CLEC12A: variants seen among roughly 807,000 people sequenced by gnomAD.
CLEC12A encodes C-type lectin domain family 12 member A, also known as C-type lectin protein CLL-1.
CLEC12A carries 22 observed loss-of-function variants against 26.5 expected under a neutral mutation model. The observed-to-expected ratio is 0.83, with a 90% CI of 0.59 to 1.19. CLEC12A has a LOEUF of 1.19. Ranked by LOEUF, CLEC12A falls within the 50% of genes most tolerant of loss-of-function variation. The probability of loss-of-function intolerance (pLI) is 0.00; values close to 1 mark genes in which losing one functional copy is unlikely to be tolerated. For missense variants in CLEC12A, 353 were observed against 315.6 expected, an observed-to-expected ratio of 1.12 and a Z score of -0.90; for synonymous variants, 119 against 101.9, an observed-to-expected ratio of 1.17 and a Z score of -1.01.
chr12:9,973,641 C>A (rs1279722899), intron 1 of CLEC12A, among the ~76,000 whole-genome samples: 2 of 151,808 alleles, frequency 1.3e-5, no homozygotes, highest in Non-Finnish European at 2.9e-5. Flanking sequence ...TCCATCTACA[C>A]TTTTTTTTGT....
At chr12:9,972,721 G>C (rs1296119380) in intron 1 of CLEC12A, among the ~76,000 whole-genome samples, 1 of 152,144 alleles carries the variant, frequency 6.6e-6, no homozygotes, top group Non-Finnish European at 1.5e-5. Context: ...ATCCATTTAT[G>C]ATGAGCATTG....
chr12:9,990,964 C>G (rs568414935), intron 4 of CLEC12A: 1 of 152,148 alleles, frequency 6.6e-6, no homozygotes, highest in Non-Finnish European at 1.5e-5. Flanking sequence ...TAGCAATAAA[C>G]TATTTTTAAT....
At chr12:9,996,822 T>C (rs1266800144), downstream of CLEC12A, 6 of 1,613,502 alleles carry the variant, frequency 3.7e-6, no homozygotes, top group African/African-American at 8.0e-5. Flanking sequence ...GCCTCCAAAA[T>C]ATTTGACATA....
At chr12:9,996,556 C>CCAGGAG (rs1555145250), downstream of CLEC12A, among the ~76,000 whole-genome samples, 1 of 151,810 alleles carries the variant, frequency 6.6e-6, no homozygotes, top group Non-Finnish European at 1.5e-5. Flanking sequence ...ACAGAGGACA[C>CCAGGAG]AAATAAATAT....
downstream of CLEC12A, among the ~76,000 whole-genome samples, chr12:9,990,138 G>A (rs577106020): frequency 5.9e-5 from 9 of 152,198 alleles, no homozygotes; most frequent in South Asian, 8.3e-4. Context: ...AATGTTTTCA[G>A]TCCTGCTAAC....
intron 4 of CLEC12A, chr12:9,991,698 C>T (rs1013408655): frequency 2.6e-5 from 4 of 152,048 alleles, no homozygotes; most frequent in African/African-American, 9.7e-5. Context: ...GCGCACAAAG[C>T]TTTAAGAGTA....
chr12:9,998,250 C>T (rs1865098934), downstream of CLEC12A: 1 of 1,549,810 alleles, frequency 6.5e-7, no homozygotes, highest in Non-Finnish European at 8.9e-7. Context: ...TTACCTTCCT[C>T]CAGTCAAATT....
At chr12:9,976,287 C>A (rs184355453) in intron 1 of CLEC12A, among the ~76,000 whole-genome samples, 3 of 152,182 alleles carry the variant, frequency 2.0e-5, no homozygotes, top group Admixed American at 6.5e-5. Flanking sequence ...AATATCAGCC[C>A]ATGAAAGCAG....
intron 2 of CLEC12A, 55 bp downstream of exon 2, chr12:9,979,119 A>G (rs1864451977): frequency 7.1e-7 from 1 of 1,412,488 alleles, no homozygotes; most frequent in Admixed American, 1.7e-5. Context: ...TCAAATATTT[A>G]GCAACAAAAG....
At chr12:9,966,512 A>T (rs1246691407), upstream of CLEC12A, among the ~76,000 whole-genome samples, 2 of 152,136 alleles carry the variant, frequency 1.3e-5, no homozygotes, top group Non-Finnish European at 2.9e-5. Flanking sequence ...CCAGGTGGCC[A>T]GATTTCTGGC....
Position 9,985,586 on chromosome 12 carries a change from G to A in CLEC12A, c.*560G>A, listed in dbSNP as rs967554397. Reference sequence around the variant, plus strand: ...TAAGTAAAAGCCAATAAACAAAAACGAAAAGGCAAGTTACGAGACTGACTT... The same window carrying A: ...TAAGTAAAAGCCAATAAACAAAAACAAAAAGGCAAGTTACGAGACTGACTT... On this transcript the variant is annotated 3_prime_UTR_variant, in exon 6 of 6. Coordinates refer to ENST00000304361, the MANE Select transcript of CLEC12A (RefSeq NM_138337.6). 13 of 397,734 alleles carry A rather than the reference G, an allele frequency of 3.3e-5. No homozygotes were observed. Among genetic ancestry groups the A allele is most frequent in the Non-Finnish European group, 4.9e-5 (11 of 225,690 alleles). The allele number at this position is 397,734 out of a possible 1,614,324, so 24.6% of individuals were successfully genotyped here.
At position 9,958,756 on chromosome 12, in the gene CLEC12A, C is replaced by A. The variant is rs148648671; in HGVS notation, c.10+7400C>A. On this transcript the variant is annotated intron_variant, in intron 1 of 6. Transcript: ENST00000355690. The stretch of plus-strand genomic sequence containing the variant: ...TCTGAAGAAACTTCCCAGGCTTCCA[C>A]AGACAAGTTTATTGGAGATCTCAAG... 3.5e-3 allele frequency among the ~76,000 whole-genome samples: 532 copies of A among 152,268 alleles called. 7 individuals carry two copies. Among genetic ancestry groups the A allele is most frequent in the African/African-American group, 9.0e-3 (375 of 41,544 alleles).
rs1013205869 is a variant in CLEC12A at position 9,960,483 on chromosome 12, T to C, written c.10+9127T>C. On this transcript the variant is annotated intron_variant, in intron 1 of 6. Coordinates refer to the CLEC12A transcript ENST00000355690. ...GTGGCCTAAAACGTTGTTCTAAAAC[T>C]GAAATAAAAGTACCCAGATCATAGT... 3.3e-5 allele frequency among the ~76,000 whole-genome samples: 5 copies of C among 152,156 alleles called. No homozygotes were observed. In the East Asian group the frequency reaches 9.6e-4, roughly 29 times the overall value.
chr12:10,004,913 C>A, the CLEC12A span, among the ~76,000 whole-genome samples: 1 of 149,460 alleles, frequency 6.7e-6, no homozygotes, highest in Non-Finnish European at 1.5e-5. Flanking sequence ...TATCCCTCCC[C>A]ACTCCCCCGA....
chr12:9,965,004 A>T (rs1172582968), intron 1 of CLEC12A, among the ~76,000 whole-genome samples: 1 of 152,102 alleles, frequency 6.6e-6, no homozygotes, highest in Non-Finnish European at 1.5e-5. Flanking sequence ...ACAAAAAGGG[A>T]GTGTAGCTGA....
At chr12:9,999,587 T>G (rs1448476229), downstream of CLEC12A, among the ~76,000 whole-genome samples, 1 of 152,246 alleles carries the variant, frequency 6.6e-6, no homozygotes, top group Non-Finnish European at 1.5e-5. Context: ...TGATAGGGGC[T>G]AAATTAGCTG....
intron 5 of CLEC12A, 36 bp downstream of exon 5, chr12:9,982,165 G>A (rs1461911520): frequency 8.6e-7 from 1 of 1,161,750 alleles, no homozygotes; most frequent in Admixed American, 1.7e-5. Context: ...TTATAGCTGG[G>A]TTTGAGTAGA....
At chr12:9,994,223 C>T (rs889660323) in intron 4 of CLEC12A, among the ~76,000 whole-genome samples, 1 of 152,068 alleles carries the variant, frequency 6.6e-6, no homozygotes, top group South Asian at 2.1e-4. Flanking sequence ...AGACAAAAGC[C>T]TTAAGGTAAC....
chr12:10,003,914 A>G, the CLEC12A span, among the ~76,000 whole-genome samples: 5 of 152,178 alleles, frequency 3.3e-5, no homozygotes, highest in Admixed American at 3.3e-4. Flanking sequence ...AGACCATCTC[A>G]AAAAGAAATA....
Sources: allele counts gnomAD v4.1 joint callset (sites outside exome capture counted in the v4.1 genomes callset), GRCh38; gene constraint gnomAD v4.1.1; transcripts MANE v1.5; gene names NCBI Gene and HGNC (gene_info 2026-07-23, HGNC 2026-07-21).